Variants in TBC1D5 observed in about 807,000 individuals in gnomAD.
TBC1D5 encodes the protein TBC1 domain family member 5, also known as TBC1 domain family, member 5.
In TBC1D5, 75 loss-of-function variants were observed where a neutral mutation model predicts 100.3. The ratio of observed to expected loss-of-function variants is 0.75; its 90% CI spans 0.62 to 0.91. The LOEUF is 0.91. TBC1D5 is among the 40% of genes least tolerant of loss of function. The probability of loss-of-function intolerance (pLI) is 0.00; values close to 1 mark genes in which losing one functional copy is unlikely to be tolerated. For synonymous variants in TBC1D5, 323 were observed against 325.6 expected (o/e 0.99, Z 0.09); for missense variants, 910 against 942.4 (o/e 0.97, Z 0.45).
intron 13 of TBC1D5, among the ~76,000 whole-genome samples, chr3:17,345,455 C>T (rs1448129796): frequency 6.6e-6 from 1 of 152,036 alleles, no homozygotes; most frequent in African/African-American, 2.4e-5. Flanking sequence ...AATAGGAACA[C>T]TTTTACACTG....
chr3:17,378,981 T>A lies in TBC1D5; in HGVS notation c.613-2368A>T, dbSNP rs540765921. ...GTAAAAAATAAATATTTAGCTTACA[T>A]TTTTTCCAGGCTTTCACTGTGAAAT... is the stretch of plus-strand genomic sequence containing the variant. On this transcript the variant is annotated intron_variant, in intron 9 of 21. Coordinates refer to ENST00000253692, the Ensembl canonical transcript of TBC1D5. Among the ~76,000 whole-genome samples the A allele has an allele frequency of 2.6e-5, 4 of 152,014 alleles. No homozygotes were observed. The South Asian group carries it at 8.3e-4, about 31-fold the overall frequency.
At chr3:17,510,986 A>T (rs1294868457) in intron 2 of TBC1D5, among the ~76,000 whole-genome samples, 2 of 152,138 alleles carry the variant, frequency 1.3e-5, no homozygotes, top group Admixed American at 1.3e-4. Flanking sequence ...TTTCTCCTAC[A>T]TTAATTTGGC....
At chr3:17,601,825 GT>G (rs532424164) in intron 2 of TBC1D5, among the ~76,000 whole-genome samples, 58 of 151,892 alleles carry the variant, frequency 3.8e-4, no homozygotes, top group South Asian at 1.3e-3. Flanking sequence ...TAATAAGTGG[GT>G]TTTTTTTATT....
chr3:17,602,561 A>ATTTTTT (rs33956978), intron 2 of TBC1D5, among the ~76,000 whole-genome samples: 13 of 74,516 alleles, frequency 1.7e-4, no homozygotes, highest in African/African-American at 3.4e-4. Flanking sequence ...AGAGAATCAG[A>ATTTTTT]TTTTTTTTTT....
intron 1 of TBC1D5, among the ~76,000 whole-genome samples, chr3:17,729,354 A>AG (rs397988833): frequency 4.0e-4 from 41 of 102,558 alleles, no homozygotes; most frequent in South Asian, 1.3e-3. Flanking sequence ...AATTTGAGAG[A>AG]AAAAAAAAAA....
chr3:17,175,600 C>T (rs1039048775), intron 19 of TBC1D5, among the ~76,000 whole-genome samples: 5 of 152,170 alleles, frequency 3.3e-5, no homozygotes, highest in African/African-American at 9.7e-5. Context: ...AAAACAGAAA[C>T]ATAGCTGATG....
intron 3 of TBC1D5, among the ~76,000 whole-genome samples, chr3:17,501,067 A>G (rs2095782641): frequency 6.7e-6 from 1 of 149,718 alleles, no homozygotes; most frequent in African/African-American, 2.5e-5. Flanking sequence ...TACTGCATTC[A>G]GAAACTTCCA....
intron 2 of TBC1D5, among the ~76,000 whole-genome samples, chr3:17,570,319 T>C (rs1226847567): frequency 1.3e-5 from 2 of 151,962 alleles, no homozygotes; most frequent in African/African-American, 4.8e-5. Context: ...GATTTTTTTT[T>C]CCCCTAACAC....
intron 15 of TBC1D5, among the ~76,000 whole-genome samples, chr3:17,262,747 C>T (rs1477588330): frequency 6.6e-6 from 1 of 151,970 alleles, no homozygotes; most frequent in African/African-American, 2.4e-5. Flanking sequence ...TCCCAAAGTG[C>T]TGGGATTACA....
chr3:17,521,865 A>C (rs567530453), intron 2 of TBC1D5, among the ~76,000 whole-genome samples: 12 of 152,244 alleles, frequency 7.9e-5, no homozygotes, highest in African/African-American at 2.9e-4. Context: ...AATAATGCAA[A>C]ATGTGAAAAT....
At chr3:17,324,108 GCA>G (rs2085774761) in intron 13 of TBC1D5, among the ~76,000 whole-genome samples, 1 of 152,102 alleles carries the variant, frequency 6.6e-6, no homozygotes, top group Non-Finnish European at 1.5e-5. Flanking sequence ...TGGAATAACT[GCA>G]CATCCACTAC....
chr3:17,415,529 T>C (rs1383459414), intron 4 of TBC1D5, among the ~76,000 whole-genome samples: 2 of 151,964 alleles, frequency 1.3e-5, no homozygotes, highest in Non-Finnish European at 1.5e-5. Flanking sequence ...AGCTTCCAAA[T>C]CCAGGGTCAT....
chr3:17,633,392 C>T (rs2063652272), intron 1 of TBC1D5, among the ~76,000 whole-genome samples: 1 of 152,134 alleles, frequency 6.6e-6, no homozygotes, highest in African/African-American at 2.4e-5. Flanking sequence ...GCCGAGATCA[C>T]ACCACTGCAC....
intron 18 of TBC1D5, among the ~76,000 whole-genome samples, chr3:17,186,710 C>CAA (rs58438478): frequency 0.025 from 683 of 27,268 alleles, 12 homozygotes; most frequent in East Asian, 0.086. Context: ...ACTCTATCTC[C>CAA]AAAAAAAAAA....
chr3:17,346,636 T>C (rs2089917680), intron 13 of TBC1D5, among the ~76,000 whole-genome samples: 1 of 152,136 alleles, frequency 6.6e-6, no homozygotes, highest in Non-Finnish European at 1.5e-5. Context: ...AAATCATACA[T>C]AGAAAGGTCC....
rs549402739 is a variant in TBC1D5, at chr3:17,700,882, G to T, written c.-101+38461C>A. On this transcript the variant is annotated intron_variant, in intron 1 of 21. Coordinates refer to ENST00000253692, the Ensembl canonical transcript of TBC1D5. Reference sequence around the variant, plus strand: ...TAGGAACACTTTTACACTGTTGGTGGGACTGTAAACCAGTTCAACCATTGT... The same window carrying T: ...TAGGAACACTTTTACACTGTTGGTGTGACTGTAAACCAGTTCAACCATTGT... 1.7e-3 allele frequency among the ~76,000 whole-genome samples: 255 copies of T among 152,156 alleles called. 2 individuals are homozygous for T. Among genetic ancestry groups the T allele is most frequent in the African/African-American group, 5.9e-3 (246 of 41,510 alleles).
At chr3:17,318,412 T>A (rs1340671486) in intron 13 of TBC1D5, among the ~76,000 whole-genome samples, 4 of 152,146 alleles carry the variant, frequency 2.6e-5, no homozygotes, top group African/African-American at 9.7e-5. Flanking sequence ...ACTACCACAT[T>A]TGATCTTGAA....
chr3:17,245,817 C>T (rs1032051013), intron 16 of TBC1D5, among the ~76,000 whole-genome samples: 1 of 152,094 alleles, frequency 6.6e-6, no homozygotes, highest in Non-Finnish European at 1.5e-5. Flanking sequence ...TTTATTTGAA[C>T]TATTTGAATT....
intron 2 of TBC1D5, among the ~76,000 whole-genome samples, chr3:17,581,268 T>C (rs1212898167): frequency 3.9e-5 from 6 of 152,220 alleles, no homozygotes; most frequent in African/African-American, 4.8e-5. Context: ...TTTTTCTTTA[T>C]AAATTACCTA....
Sources: allele counts gnomAD v4.1 joint callset (sites outside exome capture counted in the v4.1 genomes callset), GRCh38; gene constraint gnomAD v4.1.1; transcripts MANE v1.5; gene names NCBI Gene and HGNC (gene_info 2026-07-23, HGNC 2026-07-21).